ANO3: variants seen among roughly 807,000 people sequenced by gnomAD.
The protein encoded by ANO3 is anoctamin 3.
In ANO3, 99 loss-of-function variants were observed where a neutral mutation model predicts 144.8. The observed-to-expected ratio is 0.68, with a 90% CI of 0.58 to 0.81. The LOEUF (loss-of-function observed/expected upper bound fraction) is 0.81, where lower values mean the gene tolerates loss of function less well. ANO3 is among the 30% of genes least tolerant of loss of function. The probability of loss-of-function intolerance (pLI) is 0.00; values close to 1 mark genes in which losing one functional copy is unlikely to be tolerated. For synonymous variants in ANO3, 414 were observed against 392.6 expected, an observed-to-expected ratio of 1.05 and a Z score of -0.64; for missense variants, 905 against 1,202.2, an observed-to-expected ratio of 0.75 and a Z score of 3.66.
chr11:26,525,294 T>C (rs1849133454), intron 6 of ANO3, among the ~76,000 whole-genome samples: 1 of 152,078 alleles, frequency 6.6e-6, no homozygotes, highest in Non-Finnish European at 1.5e-5. Context: ...GATGGATGGA[T>C]GGATGGCCTT....
Position 26,599,399 on chromosome 11 carries a change from T to C in ANO3, c.1672-151T>C. 1.2e-5 allele frequency: 10 copies of C among 831,112 alleles called. No individual in the cohort carries two copies. The South Asian group carries it at 1.5e-4, about 13-fold the overall frequency. 51.5% of individuals were successfully genotyped at this position (831,112 alleles called of 1,614,324 possible). The stretch of plus-strand genomic sequence containing the variant: ...CTATTTGTTTTGACTAGAATATAAC[T>C]TCCTTAAAGGAGAAAATTAAATCTA... On this transcript the variant is annotated intron_variant, in intron 16 of 26. Coordinates refer to ENST00000256737, the MANE Select transcript of ANO3 (RefSeq NM_031418.4).
intron 1 of ANO3, among the ~76,000 whole-genome samples, chr11:26,289,643 C>A (rs1353512585): frequency 1.8e-5 from 1 of 55,174 alleles, no homozygotes; most frequent in South Asian, 5.6e-4. Context: ...TGTACATATA[C>A]ACACATATAT....
chr11:26,296,978 C>A (rs1854105653), intron 1 of ANO3, among the ~76,000 whole-genome samples: 1 of 152,108 alleles, frequency 6.6e-6, no homozygotes, highest in South Asian at 2.1e-4. Context: ...ATTAAAAATA[C>A]ACTTGAGTAC....
intron 18 of ANO3, among the ~76,000 whole-genome samples, chr11:26,630,223 G>A (rs1852732060): frequency 6.6e-6 from 1 of 152,122 alleles, no homozygotes; most frequent in Non-Finnish European, 1.5e-5. Flanking sequence ...AAGATTTAGA[G>A]GTATGTGGTT....
chr11:26,593,528 C>G (rs1388722061), intron 14 of ANO3, among the ~76,000 whole-genome samples: 1 of 152,142 alleles, frequency 6.6e-6, no homozygotes, highest in East Asian at 1.9e-4. Context: ...CCTCAATGGT[C>G]AAGCATACCC....
At chr11:26,450,275 G>C (rs1403994772) in intron 3 of ANO3, among the ~76,000 whole-genome samples, 2 of 152,134 alleles carry the variant, frequency 1.3e-5, no homozygotes, top group Non-Finnish European at 2.9e-5. Flanking sequence ...AAGATGGTGA[G>C]TAGAAAACAC....
rs1483420420 is a variant in ANO3, at chr11:26,337,535, T to A, written c.46+5214T>A. On this transcript the variant is annotated intron_variant, in intron 1 of 26. Transcript: ENST00000256737. ...CATGGATGTTTCTGAAAGTAATATA[T>A]TTGGAGTTGATGATTATATAAACCA... Among the ~76,000 whole-genome samples the A allele has an allele frequency of 2.0e-5, 3 of 152,208 alleles. No individual in the cohort carries two copies. The East Asian group carries it at 5.8e-4, about 29-fold the overall frequency.
chr11:26,247,159 T>A (rs1413363014), intron 1 of ANO3, among the ~76,000 whole-genome samples: 2 of 152,246 alleles, frequency 1.3e-5, no homozygotes, highest in Admixed American at 6.5e-5. Context: ...ATGTCTTTCC[T>A]CACACTGAGA....
At chr11:26,533,728 G>A (rs1454637828) in intron 8 of ANO3, among the ~76,000 whole-genome samples, 4 of 152,150 alleles carry the variant, frequency 2.6e-5, no homozygotes, top group African/African-American at 9.7e-5. Context: ...AGTCAGAAAA[G>A]TTACACCGTT....
In ANO3 at chr11:26,467,020, GT is replaced by G. The variant is rs549332752; in HGVS notation, c.432+3880del. Among the ~76,000 whole-genome samples, 4 of 151,502 alleles carry G rather than the reference GT, an allele frequency of 2.6e-5. No individual in the cohort carries two copies. In the East Asian group the frequency reaches 7.8e-4, roughly 30 times the overall value. On this transcript the variant is annotated intron_variant, in intron 4 of 26. Coordinates refer to ENST00000256737, the MANE Select transcript of ANO3 (RefSeq NM_031418.4). ...AACCTATCTAAAACTTTCTAAAATT[GT>G]TTTTTTTAAAAACTCTATTTACAAA...
chr11:26,506,647 G>A (rs182010544), intron 4 of ANO3, among the ~76,000 whole-genome samples: 2 of 152,142 alleles, frequency 1.3e-5, no homozygotes, highest in African/African-American at 4.8e-5. Flanking sequence ...TTGAAGAAAA[G>A]ACTGTGTAAA....
intron 14 of ANO3, among the ~76,000 whole-genome samples, chr11:26,596,382 A>C (rs368716715): frequency 5.9e-5 from 9 of 152,078 alleles, no homozygotes; most frequent in African/African-American, 2.2e-4. Flanking sequence ...AATTTACTCA[A>C]TTCATTTTCA....
At chr11:26,213,739 G>T (rs572303412) in intron 1 of ANO3, among the ~76,000 whole-genome samples, 1 of 152,172 alleles carries the variant, frequency 6.6e-6, no homozygotes, top group South Asian at 2.1e-4. Flanking sequence ...TCCCCATCAA[G>T]CTACCACTGA....
intron 18 of ANO3, among the ~76,000 whole-genome samples, chr11:26,625,942 G>A (rs1411099765): frequency 1.3e-5 from 2 of 152,118 alleles, no homozygotes; most frequent in Admixed American, 1.3e-4. Context: ...ATCTGAAAAT[G>A]TCTCTATTCT....
intron 14 of ANO3, among the ~76,000 whole-genome samples, chr11:26,576,010 T>C (rs11823632): frequency 0.013 from 1,910 of 152,298 alleles, 43 homozygotes; most frequent in African/African-American, 0.044. Flanking sequence ...AGTCCGCACA[T>C]GTTAGCAGAA....
chr11:26,630,694 C>A (rs930381071), intron 18 of ANO3, among the ~76,000 whole-genome samples: 2 of 152,086 alleles, frequency 1.3e-5, no homozygotes, highest in African/African-American at 4.8e-5. Flanking sequence ...TAGGCTTAGT[C>A]GAGATATAGT....
chr11:26,551,475 G>A (rs1292103261), intron 12 of ANO3, among the ~76,000 whole-genome samples: 1 of 151,918 alleles, frequency 6.6e-6, no homozygotes, highest in African/African-American at 2.4e-5. Flanking sequence ...TGATTTTTGT[G>A]TACCATGTAT....
At position 26,531,206 on chromosome 11, in the gene ANO3, A is replaced by T. The variant is rs772145439; in HGVS notation, c.739A>T (p.Met247Leu). 1 of 1,614,008 alleles carries T rather than the reference A, an allele frequency of 6.2e-7. No homozygotes were observed. Among genetic ancestry groups the T allele is most frequent in the East Asian group, 2.2e-5 (1 of 44,864 alleles). The change falls in exon 8 of 27, where the codon ATG (methionine) becomes TTG (leucine). Residue 247 changes from methionine to leucine, a missense_variant and splice_region_variant. Coordinates refer to ENST00000256737, the MANE Select transcript of ANO3 (RefSeq NM_031418.4). ...TDGRSKSMGR[M>L]QTYFRRIKNW... ...TTCTCAAATGTGACTTCATTCCAGGATGCAAACTTATTTTAGAAGAATCAA... is the reference window on the plus strand; with the variant it reads ...TTCTCAAATGTGACTTCATTCCAGGTTGCAAACTTATTTTAGAAGAATCAA...
At chr11:26,405,482 T>A (rs140726879) in intron 1 of ANO3, among the ~76,000 whole-genome samples, 1 of 151,850 alleles carries the variant, frequency 6.6e-6, no homozygotes, top group South Asian at 2.1e-4. Context: ...CTGAAAACCA[T>A]TGAGACAACA....
Sources: gnomAD v4.1 joint callset for allele counts (sites outside exome capture counted in the v4.1 genomes callset) on GRCh38, gnomAD v4.1.1 for gene constraint, MANE v1.5 for transcripts, NCBI Gene and HGNC (gene_info 2026-07-23, HGNC 2026-07-21) for gene names.